The following TBX19 variants were observed in gnomAD, a reference collection of about 807,000 sequenced individuals.
TBX19 encodes the protein T-box transcription factor 19, also known as T-box transcription factor TBX19.
In TBX19, 33 loss-of-function variants were observed where a neutral mutation model predicts 40.9. The ratio of observed to expected loss-of-function variants is 0.81; its 90% confidence interval spans 0.61 to 1.08. The LOEUF (loss-of-function observed/expected upper bound fraction) is 1.08. Among genes scored for constraint, TBX19 ranks in the 50% least tolerant of loss-of-function variants. TBX19 has a pLI of 0.00. For synonymous variants in TBX19, 220 were observed against 225.0 expected (o/e 0.98, Z 0.20); for missense variants, 494 against 574.0 (o/e 0.86, Z 1.42).
chr1:168,287,943 T>C (rs1648843206), intron 1 of TBX19, among the ~76,000 whole-genome samples: 1 of 151,906 alleles, frequency 6.6e-6, no homozygotes, highest in Non-Finnish European at 1.5e-5. Context: ...GTGTGCTTTC[T>C]GAGTCCCAGT....
chr1:168,312,717 G>A lies in TBX19; in HGVS notation c.1062G>A (p.Pro354=), dbSNP rs77017796. The change falls in exon 8 of 8, where the codon CCG becomes CCA. Residue 354 remains proline, a synonymous_variant. Transcript: ENST00000367821. The part of the protein sequence containing the change: ...GPINPGPSPY[P]CLWTISNGAG... Reference sequence around the variant, plus strand: ...TTCTCTGTCTCTGCAGCCCCTACCCGTGCCTGTGGACCATCAGCAATGGTG... The same window carrying A: ...TTCTCTGTCTCTGCAGCCCCTACCCATGCCTGTGGACCATCAGCAATGGTG... The A allele has an allele frequency of 2.4e-5, 38 of 1,612,728 alleles. No individual in the cohort carries two copies. The highest frequency in any genetic ancestry group is 1.5e-4 in the South Asian group (14 of 91,078).
intron 3 of TBX19, 30 bp from the exon 4 acceptor site, chr1:168,297,694 A>G: frequency 1.2e-6 from 2 of 1,607,734 alleles, no homozygotes; most frequent in Non-Finnish European, 1.7e-6. Context: ...TCCTACTTTT[A>G]CTAACACTTC....
rs1017241094 is a variant in TBX19, at chr1:168,280,879, C to G, written c.-212C>G. 3.3e-5 allele frequency among the ~76,000 whole-genome samples: 5 copies of G among 152,146 alleles called. No homozygotes were observed. The highest frequency in any genetic ancestry group is 5.9e-5 in the Non-Finnish European group (4 of 68,018). On this transcript the variant is annotated 5_prime_UTR_variant, in exon 1 of 8. Coordinates refer to ENST00000367821, the MANE Select transcript of TBX19 (RefSeq NM_005149.3). Reference sequence around the variant, plus strand: ...TTCCCTACCTCTCCCCTGCCTCCACCCCGCTCCCCAACTAAAGCTTAACAG... The same window carrying G: ...TTCCCTACCTCTCCCCTGCCTCCACGCCGCTCCCCAACTAAAGCTTAACAG...
chr1:168,283,195 T>C (rs1043144427), intron 1 of TBX19, among the ~76,000 whole-genome samples: 2 of 152,228 alleles, frequency 1.3e-5, no homozygotes. Context: ...ATCCTTCATC[T>C]TTAACGTCAT....
intron 4 of TBX19, among the ~76,000 whole-genome samples, 169 bp from the exon 5 acceptor site, chr1:168,300,253 C>T (rs760448031): frequency 6.6e-6 from 1 of 152,064 alleles, no homozygotes. Context: ...CAAGTAGAGA[C>T]AGCACCCCGA....
intron 2 of TBX19, among the ~76,000 whole-genome samples, chr1:168,292,405 C>T (rs1207822530): frequency 1.3e-5 from 2 of 152,140 alleles, no homozygotes; most frequent in African/African-American, 4.8e-5. Context: ...ATTCTTTAGT[C>T]ACTTGGAAAA....
intron 6 of TBX19, among the ~76,000 whole-genome samples, chr1:168,306,402 C>G (rs1189176992): frequency 6.6e-6 from 1 of 151,814 alleles, no homozygotes; most frequent in Non-Finnish European, 1.5e-5. Context: ...CTGAGGCGGG[C>G]GGATCACAAG....
intron 6 of TBX19, chr1:168,307,960 G>A (rs1333363567): frequency 6.6e-6 from 1 of 151,938 alleles, no homozygotes; most frequent in Non-Finnish European, 1.5e-5. Context: ...TAGATCTCTA[G>A]ACTTATTCAT....
At chr1:168,299,103 G>A (rs1485373077) in intron 4 of TBX19, among the ~76,000 whole-genome samples, 1 of 151,088 alleles carries the variant, frequency 6.6e-6, no homozygotes, top group Admixed American at 6.6e-5. Flanking sequence ...TATTTTTAGT[G>A]GAGACAGGGT....
In TBX19 at chr1:168,297,978, C is replaced by T. The variant is rs890951087; in HGVS notation, c.665+193C>T. 6.6e-5 allele frequency among the ~76,000 whole-genome samples: 10 copies of T among 152,094 alleles called. No homozygotes were observed. The East Asian group carries it at 1.4e-3, about 21-fold the overall frequency. On this transcript the variant is annotated intron_variant, in intron 4 of 7. Transcript: ENST00000367821. ...TTGGGAGGCCGAGGCGGGCAGATTA[C>T]GAGATCAGGAGATCGAGACCATCCT...
Position 168,298,823 on chromosome 1 carries a change from CTTTCTTTCTTTCTTT to C in TBX19, c.665+1039_665+1053del, listed in dbSNP as rs1649187862. The stretch of plus-strand genomic sequence containing the variant: ...CTCCCCTCCCTCCCTCCCTCCCTTC[CTTTCTTTCTTTCTTT>C]CTTTCTTTCTTTCTTTCTTTCTTTC... On this transcript the variant is annotated intron_variant, in intron 4 of 7. Transcript: ENST00000367821. 5.0e-3 allele frequency among the ~76,000 whole-genome samples: 78 copies of C among 15,536 alleles called. 15 individuals are homozygous for C. Among genetic ancestry groups the C allele is most frequent in the African/African-American group, 0.017 (58 of 3,464 alleles). The allele number at this position is 15,536 out of a possible 152,430, so 10.2% of individuals were successfully genotyped here. A position where few individuals can be genotyped will look rare whatever the true frequency, so the allele number is the denominator to read the frequency against.
intron 1 of TBX19, among the ~76,000 whole-genome samples, chr1:168,289,276 T>C: frequency 6.6e-6 from 1 of 152,178 alleles, no homozygotes; most frequent in Non-Finnish European, 1.5e-5. Flanking sequence ...CCAATATTAT[T>C]AACATAATTG....
Position 168,314,258 on chromosome 1 carries a change from G to T in TBX19, c.*1256G>T. 6.5e-6 allele frequency: 1 copy of T among 152,944 alleles called. No homozygotes were observed. The highest frequency in any genetic ancestry group is 1.5e-5 in the Non-Finnish European group (1 of 68,200). The allele number at this position is 152,944 out of a possible 1,614,324, so 9.5% of individuals were successfully genotyped here. On this transcript the variant is annotated 3_prime_UTR_variant, in exon 8 of 8. Transcript: ENST00000367821. ...TCCCGTTGTTTTTGCCTCTGCCATA[G>T]AGCTCACCTCATTTTGCCTTGTATT...
intron 1 of TBX19, among the ~76,000 whole-genome samples, chr1:168,287,341 T>G (rs1321177405): frequency 1.3e-5 from 2 of 152,342 alleles, no homozygotes; most frequent in East Asian, 3.9e-4. Flanking sequence ...TTCCTTCTCA[T>G]TATTTAGGTC....
intron 5 of TBX19, among the ~76,000 whole-genome samples, chr1:168,303,889 A>C (rs1221420173): frequency 6.6e-6 from 1 of 152,210 alleles, no homozygotes; most frequent in African/African-American, 2.4e-5. Context: ...TATAACTAGC[A>C]GTGAGGATAA....
chr1:168,291,051 C>A (rs2102353347), intron 1 of TBX19, 109 bp from the exon 2 acceptor site: 2 of 1,467,778 alleles, frequency 1.4e-6, no homozygotes, highest in East Asian at 2.3e-5. Flanking sequence ...GTTTATTTGG[C>A]CTCCTCACAG....
chr1:168,294,714 C>G (rs1269666237), intron 3 of TBX19, among the ~76,000 whole-genome samples: 2 of 152,118 alleles, frequency 1.3e-5, no homozygotes, highest in Non-Finnish European at 2.9e-5. Context: ...GTTGGCCAGG[C>G]AGGTCTCGAA....
At chr1:168,307,124 G>C (rs575871795) in intron 6 of TBX19, among the ~76,000 whole-genome samples, 3 of 152,206 alleles carry the variant, frequency 2.0e-5, no homozygotes, top group South Asian at 4.1e-4. Context: ...CAGAGTGTAG[G>C]GGGAGTGGGG....
At chr1:168,291,461 G>A (rs1308762344) in intron 2 of TBX19, 37 bp downstream of exon 2, 6 of 1,613,726 alleles carry the variant, frequency 3.7e-6, no homozygotes, top group East Asian at 2.2e-5. Context: ...CACCCGCTCC[G>A]GCCTCCCCAC....
Sources: gnomAD v4.1 joint callset for allele counts (sites outside exome capture counted in the v4.1 genomes callset) on GRCh38, gnomAD v4.1.1 for gene constraint, MANE v1.5 for transcripts, NCBI Gene and HGNC (gene_info 2026-07-23, HGNC 2026-07-21) for gene names.